ADGRB3: variants seen among roughly 807,000 people sequenced by gnomAD.
ADGRB3 encodes the protein adhesion G protein-coupled receptor B3.
ADGRB3 carries 37 observed loss-of-function variants against 193.4 expected under a neutral mutation model. The ratio of observed to expected loss-of-function variants is 0.19; its 90% CI spans 0.15 to 0.25. ADGRB3 has a LOEUF of 0.25. Ranked by LOEUF, ADGRB3 falls within the 10% of genes least tolerant of loss-of-function variation. ADGRB3 has a pLI of 1.00. For missense variants in ADGRB3, 1,637 were observed against 1,852.9 expected (o/e 0.88, Z 2.14); for synonymous variants, 690 against 644.2 (o/e 1.07, Z -1.08).
chr6:69,358,694 C>T (rs1769382639), intron 28 of ADGRB3, among the ~76,000 whole-genome samples: 1 of 151,776 alleles, frequency 6.6e-6, no homozygotes, highest in South Asian at 2.1e-4. Flanking sequence ...GCCAAATATT[C>T]AGTTGCTTTA....
intron 28 of ADGRB3, among the ~76,000 whole-genome samples, chr6:69,357,863 C>T (rs1769367596): frequency 6.6e-6 from 1 of 151,752 alleles, no homozygotes; most frequent in South Asian, 2.1e-4. Flanking sequence ...CAGAATTGAT[C>T]GTTTTCCTTT....
chr6:68,708,609 C>T lies in ADGRB3; in HGVS notation c.757+69177C>T, dbSNP rs543015351. Among the ~76,000 whole-genome samples, 11 of 152,224 alleles carry T rather than the reference C, an allele frequency of 7.2e-5. No homozygotes were observed. The South Asian group carries it at 1.7e-3, about 23-fold the overall frequency. On this transcript the variant is annotated intron_variant, in intron 3 of 31. Coordinates refer to ENST00000370598, the MANE Select transcript of ADGRB3 (RefSeq NM_001704.3). ...GATTTTTTAAAAACAAAACCGAAGA[C>T]GTCCAATTAAATAGATCTAACATTT...
chr6:68,964,905 A>G (rs190440923), intron 8 of ADGRB3, among the ~76,000 whole-genome samples: 152 of 152,280 alleles, frequency 1.0e-3, no homozygotes, highest in African/African-American at 3.4e-3. Flanking sequence ...ATAACAATAA[A>G]AAGACTCCTC....
chr6:69,028,593 T>C (rs1438816413), intron 13 of ADGRB3, among the ~76,000 whole-genome samples: 1 of 152,142 alleles, frequency 6.6e-6, no homozygotes, highest in Non-Finnish European at 1.5e-5. Context: ...AGTAATATAA[T>C]ATTTCTAAAT....
chr6:68,956,782 A>G lies in ADGRB3; in HGVS notation c.1498A>G (p.Arg500Gly). 6.2e-7 allele frequency: 1 copy of G among 1,613,950 alleles called. No homozygotes were observed. The highest frequency in any genetic ancestry group is 1.7e-5 in the Admixed American group (1 of 60,012). Residue 500 changes from arginine to glycine, a missense_variant, in exon 8 of 32, where the codon AGA becomes GGA. Arg to Gly is a moderately radical substitution (Grantham distance 125). Transcript: ENST00000370598. Reference sequence around the variant, plus strand: ...ATGTGAAGGAACGGGCGAAGAAGTGAGAAGATGCAATGAGCAGCGATGCCC... The same window carrying G: ...ATGTGAAGGAACGGGCGAAGAAGTGGGAAGATGCAATGAGCAGCGATGCCC... ...QQCEGTGEEV[R>G]RCNEQRCPAP... is the part of the protein sequence containing the mutation.
intron 17 of ADGRB3, among the ~76,000 whole-genome samples, chr6:69,133,657 C>T (rs1774073329): frequency 7.0e-6 from 1 of 143,784 alleles, no homozygotes; most frequent in African/African-American, 2.5e-5. Context: ...CCGGCAGAGA[C>T]ACAACAAAAA....
At chr6:69,125,237 C>G (rs1347052264) in intron 17 of ADGRB3, among the ~76,000 whole-genome samples, 1 of 152,116 alleles carries the variant, frequency 6.6e-6, no homozygotes. Flanking sequence ...GCCTCTATTC[C>G]TCTTCTTACT....
At chr6:68,638,593 A>C in intron 2 of ADGRB3, 68 bp from the exon 3 acceptor site, 1 of 1,429,732 alleles carries the variant, frequency 7.0e-7, no homozygotes, top group South Asian at 1.5e-5. Flanking sequence ...TGTAATATTG[A>C]AAGGAGTTTA....
intron 20 of ADGRB3, among the ~76,000 whole-genome samples, chr6:69,319,892 T>C (rs984984909): frequency 6.6e-6 from 1 of 151,522 alleles, no homozygotes; most frequent in Non-Finnish European, 1.5e-5. Flanking sequence ...TTTTAACAAG[T>C]AAATACAAAG....
chr6:69,172,362 G>A (rs978921860), intron 17 of ADGRB3, among the ~76,000 whole-genome samples: 1 of 151,846 alleles, frequency 6.6e-6, no homozygotes, highest in Non-Finnish European at 1.5e-5. Flanking sequence ...GAAATAAACA[G>A]GCCAGGCGCA....
At chr6:68,975,151 A>T in intron 9 of ADGRB3, 83 bp from the exon 10 acceptor site, 1 of 1,148,204 alleles carries the variant, frequency 8.7e-7, no homozygotes, top group Admixed American at 2.4e-5. Flanking sequence ...TACAAACTTA[A>T]TTTTTAGCCT....
At chr6:68,997,115 G>A (rs866651675) in intron 11 of ADGRB3, among the ~76,000 whole-genome samples, 1 of 152,086 alleles carries the variant, frequency 6.6e-6, no homozygotes, top group African/African-American at 2.4e-5. Context: ...TGATGAAAGA[G>A]ACATAGAATT....
intron 14 of ADGRB3, 31 bp downstream of exon 14, chr6:69,048,365 A>G (rs1771298739): frequency 1.9e-6 from 3 of 1,594,186 alleles, no homozygotes; most frequent in Admixed American, 1.8e-5. Flanking sequence ...GAGCTTGAAC[A>G]AGACATTTTT....
intron 17 of ADGRB3, among the ~76,000 whole-genome samples, chr6:69,172,584 C>T (rs568488709): frequency 3.8e-4 from 47 of 122,170 alleles, no homozygotes; most frequent in Middle Eastern, 6.3e-3. Context: ...GCGGAGCTTG[C>T]AGTGAGTCGA....
At chr6:68,884,703 G>A (rs568591217) in intron 3 of ADGRB3, among the ~76,000 whole-genome samples, 8 of 152,238 alleles carry the variant, frequency 5.3e-5, no homozygotes, top group African/African-American at 1.9e-4. Context: ...AAACAGGTAG[G>A]TGTGGGGAGG....
intron 20 of ADGRB3, among the ~76,000 whole-genome samples, chr6:69,241,486 G>A (rs1038895826): frequency 4.0e-5 from 6 of 151,802 alleles, no homozygotes; most frequent in Middle Eastern, 3.2e-3. Context: ...TAGTGTCTAC[G>A]ACGTTGTGTA....
chr6:68,637,717 C>A (rs1442264131), intron 2 of ADGRB3, among the ~76,000 whole-genome samples, 155 bp downstream of exon 2: 2 of 151,848 alleles, frequency 1.3e-5, no homozygotes, highest in Non-Finnish European at 2.9e-5. Context: ...TATTTTATTA[C>A]CATGTGTAAG....
intron 30 of ADGRB3, among the ~76,000 whole-genome samples, chr6:69,381,025 G>GT (rs1013817850): frequency 1.5e-4 from 23 of 151,302 alleles, no homozygotes; most frequent in Admixed American, 7.3e-4. Flanking sequence ...AACTACAATA[G>GT]TTTTTTTTTA....
intron 17 of ADGRB3, among the ~76,000 whole-genome samples, chr6:69,232,075 G>A (rs1202123755): frequency 1.3e-5 from 2 of 152,138 alleles, no homozygotes; most frequent in South Asian, 4.1e-4. Context: ...TTAACATCAA[G>A]CCATGTGTTT....
Sources: gnomAD v4.1 joint callset for allele counts (sites outside exome capture counted in the v4.1 genomes callset) on GRCh38, gnomAD v4.1.1 for gene constraint, MANE v1.5 for transcripts, NCBI Gene and HGNC (gene_info 2026-07-23, HGNC 2026-07-21) for gene names.